TTC29: variants seen among roughly 807,000 people sequenced by gnomAD.
TTC29 encodes tetratricopeptide repeat domain 29, also known as tetratricopeptide repeat protein 29.
A neutral mutation model predicts 58.1 loss-of-function variants in TTC29; 49 were observed. The observed-to-expected ratio is 0.84, with a 90% CI of 0.67 to 1.07. TTC29 has a LOEUF of 1.07. Among genes scored for constraint, TTC29 ranks in the 50% least tolerant of loss-of-function variants. TTC29 has a pLI of 0.00. For synonymous variants in TTC29, 209 were observed against 196.8 expected (o/e 1.06, Z -0.52); for missense variants, 582 against 555.6 (o/e 1.05, Z -0.48).
At chr4:146,930,446 C>T (rs1360992738) in intron 4 of TTC29, among the ~76,000 whole-genome samples, 1 of 152,020 alleles carries the variant, frequency 6.6e-6, no homozygotes, top group East Asian at 1.9e-4. Flanking sequence ...CTGTGGAAAC[C>T]CTGGTGAAGC....
intron 11 of TTC29, among the ~76,000 whole-genome samples, chr4:146,798,413 T>C (rs576175443): frequency 1.3e-5 from 2 of 152,268 alleles, no homozygotes; most frequent in East Asian, 3.9e-4. Context: ...AGTAAAACTT[T>C]TATTATAAAT....
At chr4:146,718,849 T>A (rs1743142979) in intron 11 of TTC29, among the ~76,000 whole-genome samples, 1 of 152,176 alleles carries the variant, frequency 6.6e-6, no homozygotes, top group Non-Finnish European at 1.5e-5. Flanking sequence ...AGGTCTTATG[T>A]TTAAGTCTTC....
At chr4:146,788,771 G>A (rs1749226228) in intron 11 of TTC29, among the ~76,000 whole-genome samples, 1 of 152,082 alleles carries the variant, frequency 6.6e-6, no homozygotes, top group Non-Finnish European at 1.5e-5. Context: ...TTGTCAATAT[G>A]TGGCATTTAG....
At chr4:146,889,214 C>T (rs1369130617) in intron 6 of TTC29, among the ~76,000 whole-genome samples, 2 of 152,110 alleles carry the variant, frequency 1.3e-5, no homozygotes, top group Non-Finnish European at 2.9e-5. Context: ...CCACCCAAAA[C>T]ATATTGTCTA....
intron 11 of TTC29, among the ~76,000 whole-genome samples, chr4:146,719,935 T>C (rs2713878): frequency 0.78 from 118,099 of 152,070 alleles, 46,950 homozygotes; most frequent in Non-Finnish European, 0.87. Flanking sequence ...AAGTGAAACT[T>C]GGTAGCTAAA....
rs554560482 is a variant in TTC29, at chr4:146,807,108, G to A, written c.1102-3423C>T. 8.5e-5 allele frequency among the ~76,000 whole-genome samples: 13 copies of A among 152,246 alleles called. 1 individual carries two copies. The East Asian group carries it at 2.5e-3, about 29-fold the overall frequency. ...CTCACTCAAAACTGCACAACTACAT[G>A]GAAACTGAACAACATGCTCTTGAGT... On this transcript the variant is annotated intron_variant, in intron 10 of 12. Transcript: ENST00000325106.
Position 146,707,474 on chromosome 4 carries a change from A to G in TTC29, c.1397+11T>C, listed in dbSNP as rs1449559886. 1.2e-6 allele frequency: 2 copies of G among 1,603,426 alleles called. No individual in the cohort carries two copies. Among genetic ancestry groups the G allele is most frequent in the South Asian group, 1.1e-5 (1 of 90,296 alleles). ...GTACTTAATAGAAACTTTTTACTTGATTTATCATACCTACTGAGTTCTTCC... is the reference window on the plus strand; with the variant it reads ...GTACTTAATAGAAACTTTTTACTTGGTTTATCATACCTACTGAGTTCTTCC... On this transcript the variant is annotated intron_variant, in intron 12 of 12. Coordinates refer to ENST00000325106, the MANE Select transcript of TTC29 (RefSeq NM_031956.4).
chr4:146,793,479 A>AT (rs138867468), intron 11 of TTC29, among the ~76,000 whole-genome samples: 23 of 151,414 alleles, frequency 1.5e-4, no homozygotes, highest in East Asian at 1.2e-3. Flanking sequence ...AGGTATGTAC[A>AT]TTTTTTTTTA....
At chr4:146,828,919 G>C (rs1423582459) in intron 9 of TTC29, among the ~76,000 whole-genome samples, 1 of 152,150 alleles carries the variant, frequency 6.6e-6, no homozygotes, top group Non-Finnish European at 1.5e-5. Context: ...AAATTTAAAA[G>C]TTAGTGACAG....
intron 8 of TTC29, among the ~76,000 whole-genome samples, chr4:146,856,407 A>C (rs1729859304): frequency 6.6e-6 from 1 of 152,030 alleles, no homozygotes; most frequent in Non-Finnish European, 1.5e-5. Flanking sequence ...AAAATCAATA[A>C]ATTTTATTAC....
chr4:146,744,388 G>A (rs1178963681), intron 11 of TTC29, among the ~76,000 whole-genome samples: 3 of 151,640 alleles, frequency 2.0e-5, no homozygotes, highest in Non-Finnish European at 4.4e-5. Context: ...AGAGAGAGAG[G>A]AGGAGGATGA....
chr4:146,918,393 C>A (rs1734375014), intron 4 of TTC29, among the ~76,000 whole-genome samples: 1 of 150,994 alleles, frequency 6.6e-6, no homozygotes, highest in Non-Finnish European at 1.5e-5. Context: ...TAAAGATTCT[C>A]TCAATAGCCT....
At chr4:146,923,272 A>G (rs1995809) in intron 4 of TTC29, among the ~76,000 whole-genome samples, 23,953 of 151,692 alleles carry the variant, frequency 0.16, 3,028 homozygotes, top group African/African-American at 0.34. Context: ...ACTGTAGCAT[A>G]AGAAAATTAA....
chr4:146,779,221 G>C (rs1466401669), intron 11 of TTC29, among the ~76,000 whole-genome samples: 1 of 151,868 alleles, frequency 6.6e-6, no homozygotes, highest in African/African-American at 2.4e-5. Flanking sequence ...GTTATTTATT[G>C]ACATCCTCAA....
chr4:146,894,447 A>T (rs1317838013), intron 6 of TTC29, among the ~76,000 whole-genome samples: 2 of 150,124 alleles, frequency 1.3e-5, no homozygotes, highest in South Asian at 2.1e-4. Flanking sequence ...ACCAAACACC[A>T]CATGTTCTCA....
chr4:146,799,653 T>C (rs1284850494), intron 11 of TTC29, among the ~76,000 whole-genome samples: 29 of 152,182 alleles, frequency 1.9e-4, no homozygotes, highest in Non-Finnish European at 3.7e-4. Flanking sequence ...ATCTACTATA[T>C]TTCTATAGTC....
chr4:146,803,538 C>CTA lies in TTC29; in HGVS notation c.1247_1248dup (p.Glu417Ter). ...TTGAGGCTGGTGAGATCTGCAGACT[C>CTA]TATATAGTTGTTCACTGTAAGCATC... is the stretch of plus-strand genomic sequence containing the variant. On this transcript the variant is annotated frameshift_variant, in exon 11 of 13. Transcript: ENST00000325106. LOFTEE classifies it high-confidence loss of function. 1 of 1,603,100 alleles carries CTA rather than the reference C, an allele frequency of 6.2e-7. No homozygotes were observed. Among genetic ancestry groups the CTA allele is most frequent in the Non-Finnish European group, 8.5e-7 (1 of 1,174,066 alleles).
chr4:146,840,191 T>C, intron 8 of TTC29, among the ~76,000 whole-genome samples: 1 of 150,916 alleles, frequency 6.6e-6, no homozygotes, highest in Non-Finnish European at 1.5e-5. Context: ...TTTGGTCTAC[T>C]GTACCTTTGT....
chr4:146,745,562 A>G (rs1436933730), intron 11 of TTC29, among the ~76,000 whole-genome samples: 1 of 152,198 alleles, frequency 6.6e-6, no homozygotes, highest in Non-Finnish European at 1.5e-5. Context: ...AGTCTGAACA[A>G]TGGTTAGACT....
Sources: allele counts gnomAD v4.1 joint callset (sites outside exome capture counted in the v4.1 genomes callset), GRCh38; gene constraint gnomAD v4.1.1; transcripts MANE v1.5; gene names NCBI Gene and HGNC (gene_info 2026-07-23, HGNC 2026-07-21).